GFRA2: variants seen among roughly 807,000 people sequenced by gnomAD.
The protein encoded by GFRA2 is GDNF family receptor alpha 2.
GFRA2 carries 17 observed loss-of-function variants against 48.3 expected under a neutral mutation model. The observed-to-expected ratio is 0.35, with a 90% confidence interval of 0.24 to 0.53. The LOEUF (loss-of-function observed/expected upper bound fraction) is 0.53, where lower values mean the gene tolerates loss of function less well. Among genes scored for constraint, GFRA2 ranks in the 20% least tolerant of loss-of-function variants. The pLI is 0.93. For missense variants in GFRA2, 660 were observed against 637.3 expected, an observed-to-expected ratio of 1.04 and a Z score of -0.38; for synonymous variants, 305 against 257.2, an observed-to-expected ratio of 1.19 and a Z score of -1.78.
chr8:21,713,690 A>C (rs896930025), intron 4 of GFRA2, among the ~76,000 whole-genome samples: 2 of 152,162 alleles, frequency 1.3e-5, no homozygotes, highest in Non-Finnish European at 2.9e-5. Context: ...CTTCTTAGAA[A>C]TATAGATTCT....
At chr8:21,701,925 A>C (rs1472961355) in intron 7 of GFRA2, among the ~76,000 whole-genome samples, 1 of 152,136 alleles carries the variant, frequency 6.6e-6, no homozygotes, top group Non-Finnish European at 1.5e-5. Flanking sequence ...CCACAGTGGG[A>C]GTCCTGGGAA....
intron 1 of GFRA2, among the ~76,000 whole-genome samples, chr8:21,810,891 TG>T (rs1807966116): frequency 6.6e-6 from 1 of 152,112 alleles, no homozygotes; most frequent in Admixed American, 6.5e-5. Context: ...CACCAGCCTA[TG>T]GGTATAAAGG....
chr8:21,767,877 A>C (rs1347923129), intron 3 of GFRA2, among the ~76,000 whole-genome samples: 2 of 152,208 alleles, frequency 1.3e-5, no homozygotes, highest in African/African-American at 4.8e-5. Context: ...ACCACAGATG[A>C]AGTCACCAAC....
intron 3 of GFRA2, among the ~76,000 whole-genome samples, chr8:21,757,506 C>CTTTTTTTTTTTTTTTTTTTTTTT (rs5889999): frequency 8.9e-5 from 13 of 145,712 alleles, no homozygotes; most frequent in Non-Finnish European, 1.3e-4. Context: ...TTCCTTAATC[C>CTTTTTTTTTTTTTTTTTTTTTTT]TTTTTTTTGA....
chr8:21,791,320 C>T (rs1370646211), upstream of GFRA2, among the ~76,000 whole-genome samples: 1 of 152,056 alleles, frequency 6.6e-6, no homozygotes, highest in Non-Finnish European at 1.5e-5. Flanking sequence ...TTCTGCGACC[C>T]AAGACCACCC....
upstream of GFRA2, among the ~76,000 whole-genome samples, chr8:21,793,048 C>G (rs1807604398): frequency 6.6e-6 from 1 of 152,010 alleles, no homozygotes; most frequent in Non-Finnish European, 1.5e-5. Context: ...GCCTGCGCAA[C>G]AGAGCGAGAC....
At chr8:21,773,480 T>C (rs1258268738) in intron 3 of GFRA2, among the ~76,000 whole-genome samples, 3 of 152,078 alleles carry the variant, frequency 2.0e-5, no homozygotes, top group African/African-American at 7.2e-5. Context: ...CCTGTTTCAA[T>C]CTCCTAGAGC....
chr8:21,782,738 C>T lies in GFRA2; in HGVS notation c.202G>A (p.Asp68Asn), dbSNP rs1807072815. 1.0e-5 allele frequency: 16 copies of T among 1,597,236 alleles called. No individual in the cohort carries two copies. In the South Asian group the frequency reaches 1.4e-4, roughly 14 times the overall value. The part of the protein sequence containing the change: ...RTLRQCLAGR[D>N]RNTMLANKEC... ...TTGTTGGCCAGCATGGTGTTGCGGT[C>T]GCGGCCTGCCAGGCACTGCCGCAGA... Residue 68 changes from aspartate to asparagine, a missense_variant, in exon 2 of 9, where the codon GAC (aspartate) becomes AAC (asparagine). Asp to Asn is a conservative substitution (Grantham distance 23, BLOSUM62 1). Coordinates refer to ENST00000524240, the MANE Select transcript of GFRA2 (RefSeq NM_001495.5).
At chr8:21,743,924 T>C (rs534832191) in intron 4 of GFRA2, among the ~76,000 whole-genome samples, 5 of 152,358 alleles carry the variant, frequency 3.3e-5, no homozygotes, top group African/African-American at 4.8e-5. Flanking sequence ...AATTTCTTTC[T>C]AGAAAATACA....
intron 4 of GFRA2, among the ~76,000 whole-genome samples, chr8:21,717,616 G>A (rs1372966954): frequency 6.6e-6 from 1 of 152,202 alleles, no homozygotes; most frequent in Non-Finnish European, 1.5e-5. Context: ...TAAGCCTTCT[G>A]TTAGAGAAAA....
chr8:21,810,809 T>G (rs1257757847), intron 1 of GFRA2, among the ~76,000 whole-genome samples: 2 of 152,010 alleles, frequency 1.3e-5, no homozygotes, highest in African/African-American at 4.8e-5. Flanking sequence ...TAAGTGAGGC[T>G]CCTCTCCTGG....
At chr8:21,780,619 T>A (rs1251469618) in intron 2 of GFRA2, among the ~76,000 whole-genome samples, 1 of 152,096 alleles carries the variant, frequency 6.6e-6, no homozygotes, top group Non-Finnish European at 1.5e-5. Context: ...ATCTGCAGGG[T>A]GTGGTCAATG....
At chr8:21,781,910 T>C (rs1249594562) in intron 2 of GFRA2, among the ~76,000 whole-genome samples, 1 of 151,898 alleles carries the variant, frequency 6.6e-6, no homozygotes, top group Non-Finnish European at 1.5e-5. Context: ...CGGAGGCTGG[T>C]TTGCCAAGGG....
At chr8:21,694,175 G>T (rs554357786) in intron 8 of GFRA2, among the ~76,000 whole-genome samples, 2 of 149,710 alleles carry the variant, frequency 1.3e-5, no homozygotes, top group African/African-American at 2.5e-5. Flanking sequence ...CAACAGTGCC[G>T]AGCAGGTGGT....
chr8:21,728,503 G>A (rs1469452360), intron 4 of GFRA2, among the ~76,000 whole-genome samples: 1 of 152,004 alleles, frequency 6.6e-6, no homozygotes, highest in Non-Finnish European at 1.5e-5. Flanking sequence ...TCCAACTCCT[G>A]ACCTCAGGTA....
At chr8:21,773,487 G>C (rs1217029702) in intron 3 of GFRA2, among the ~76,000 whole-genome samples, 1 of 152,200 alleles carries the variant, frequency 6.6e-6, no homozygotes, top group Non-Finnish European at 1.5e-5. Context: ...CAATCTCCTA[G>C]AGCGTGCTTT....
At chr8:21,721,145 G>A (rs894561774) in intron 4 of GFRA2, among the ~76,000 whole-genome samples, 1 of 152,112 alleles carries the variant, frequency 6.6e-6, no homozygotes, top group Non-Finnish European at 1.5e-5. Flanking sequence ...CCCTTGAAAA[G>A]TAAAATTATA....
At chr8:21,779,199 C>T (rs2117726470) in intron 2 of GFRA2, among the ~76,000 whole-genome samples, 1 of 152,248 alleles carries the variant, frequency 6.6e-6, no homozygotes, top group East Asian at 1.9e-4. Context: ...GACCCTGTCT[C>T]AAAAAACGAG....
At chr8:21,771,574 G>A (rs1806440458) in intron 3 of GFRA2, among the ~76,000 whole-genome samples, 1 of 152,174 alleles carries the variant, frequency 6.6e-6, no homozygotes, top group Admixed American at 6.5e-5. Context: ...GGGTGTTGCA[G>A]GAATCCTGGC....
Sources: allele counts gnomAD v4.1 joint callset (sites outside exome capture counted in the v4.1 genomes callset), GRCh38; gene constraint gnomAD v4.1.1; transcripts MANE v1.5; gene names NCBI Gene and HGNC (gene_info 2026-07-23, HGNC 2026-07-21).